The following SRPRA variants were observed in gnomAD, a reference collection of about 807,000 sequenced individuals.
SRPRA encodes signal recognition particle receptor subunit alpha.
In SRPRA, 30 loss-of-function variants were observed where a neutral mutation model predicts 61.1. The ratio of observed to expected loss-of-function variants is 0.49; its 90% CI spans 0.37 to 0.67. SRPRA has a LOEUF of 0.67. Ranked by LOEUF, SRPRA falls within the 30% of genes least tolerant of loss-of-function variation. The pLI, the probability that SRPRA is intolerant of heterozygous loss-of-function variation, is 0.00. For missense variants in SRPRA, 759 were observed against 828.4 expected, an observed-to-expected ratio of 0.92 and a Z score of 1.03; for synonymous variants, 324 against 299.7, an observed-to-expected ratio of 1.08 and a Z score of -0.84.
At chr11:126,260,397 T>G (rs901018382), downstream of SRPRA, 1 of 19,834 alleles carries the variant, frequency 5.0e-5, no homozygotes, top group African/African-American at 5.6e-4. Flanking sequence ...AATATAGTGA[T>G]TTTTTTTTTT....
rs1311458737 is a variant in SRPRA at position 126,264,560 on chromosome 11, A to G, written c.1526-21T>C. 7 of 1,610,816 alleles carry G rather than the reference A, an allele frequency of 4.3e-6. No homozygotes were observed. The highest frequency in any genetic ancestry group is 5.9e-6 in the Non-Finnish European group (7 of 1,179,354). ...ACGTGCTAGAGAAAGAAAGTAGTCAACTCTGAACACCTGGACTACCACTCA... is the reference window on the plus strand; with the variant it reads ...ACGTGCTAGAGAAAGAAAGTAGTCAGCTCTGAACACCTGGACTACCACTCA... On this transcript the variant is annotated intron_variant, in intron 11 of 13. Transcript: ENST00000332118. This position sits in a 1 kb window ranked among gnomAD's most constrained non-coding sequence, Gnocchi z 5.0.
At position 126,264,553 on chromosome 11, in the gene SRPRA, G is replaced by A; in HGVS notation, c.1526-14C>T. 2 of 1,611,770 alleles carry A rather than the reference G, an allele frequency of 1.2e-6. No individual in the cohort carries two copies. The highest frequency in any genetic ancestry group is 1.7e-6 in the Non-Finnish European group (2 of 1,179,784). ...CTTGGTTACGTGCTAGAGAAAGAAA[G>A]TAGTCAACTCTGAACACCTGGACTA... is the stretch of plus-strand genomic sequence containing the variant. On this transcript the variant is annotated splice_polypyrimidine_tract_variant and intron_variant, in intron 11 of 13. Transcript: ENST00000332118. The surrounding 1 kb of genome is among the most constrained non-coding windows in gnomAD (Gnocchi z 5.0).
the SRPRA span, chr11:126,241,149 A>C: frequency 8.3e-7 from 1 of 1,205,256 alleles, no homozygotes; most frequent in Non-Finnish European, 1.2e-6. Context: ...TGTAACAGGG[A>C]TATTCATTTA....
the SRPRA span, among the ~76,000 whole-genome samples, chr11:126,248,790 C>G: frequency 6.6e-6 from 1 of 152,194 alleles, no homozygotes; most frequent in African/African-American, 2.4e-5. Flanking sequence ...GGTCTCGCCT[C>G]CCAACACAGT....
At chr11:126,260,312 T>G (rs1057208535), downstream of SRPRA, 17 of 152,168 alleles carry the variant, frequency 1.1e-4, no homozygotes, top group African/African-American at 3.9e-4. Context: ...GGATTATAGG[T>G]GTGAGCCACA....
chr11:126,268,796 G>C lies in SRPRA; in HGVS notation c.9C>G (p.Asp3Glu). The change falls in exon 1 of 14, where the codon GAC (aspartate) becomes GAG (glutamate). Residue 3 changes from aspartate (D) to glutamate (E), a missense_variant. Around this residue, in one of 2 missense-constraint regions of SRPRA, gnomAD observed 475 missense variants for 462.5 expected, o/e 1.03. Coordinates refer to ENST00000332118, the MANE Select transcript of SRPRA (RefSeq NM_003139.4). ...CGCCCTTGGAGAAAATGGTGAAGAA[G>C]TCGAGCATGGCGGCAGCGGCAGAGG... ML[D>E]FFTIFSKGGL... 1 of 1,613,502 alleles carries C rather than the reference G, an allele frequency of 6.2e-7. No individual in the cohort carries two copies. Among genetic ancestry groups the C allele is most frequent in the Non-Finnish European group, 8.5e-7 (1 of 1,179,926 alleles).
At chr11:126,249,137 C>T in the SRPRA span, among the ~76,000 whole-genome samples, 2 of 152,112 alleles carry the variant, frequency 1.3e-5, no homozygotes, top group African/African-American at 4.8e-5. Context: ...CTTTGGGAGG[C>T]TGAGGTGGGA....
chr11:126,264,235 T>C lies in SRPRA; in HGVS notation c.1744A>G (p.Ile582Val), dbSNP rs759104148. 2.0e-5 allele frequency: 33 copies of C among 1,614,034 alleles called. No individual in the cohort carries two copies. The highest frequency in any genetic ancestry group is 1.9e-4 in the South Asian group (17 of 91,090). ...AATTTGGTAAGAACAATGCCATCAATGAGCCGAGGTGTCTGAGCCATAGAA... is the reference window on the plus strand; with the variant it reads ...AATTTGGTAAGAACAATGCCATCAACGAGCCGAGGTGTCTGAGCCATAGAA... The part of the protein sequence containing the change: ...DHSMAQTPRL[I>V]DGIVLTKFDT... The change falls in exon 13 of 14, where the codon ATT (isoleucine) becomes GTT (valine). Residue 582 changes from isoleucine (I) to valine (V), a missense_variant. Coordinates refer to ENST00000332118, the MANE Select transcript of SRPRA (RefSeq NM_003139.4). The surrounding 1 kb of genome is among the most constrained non-coding windows in gnomAD (Gnocchi z 5.0).
the SRPRA span, chr11:126,245,032 G>A: frequency 1.3e-5 from 2 of 152,156 alleles, no homozygotes; most frequent in Admixed American, 1.3e-4. Context: ...AAATTCATAT[G>A]GGGCCAGGCA....
chr11:126,241,115 G>T, the SRPRA span: 6 of 1,468,768 alleles, frequency 4.1e-6, no homozygotes, highest in Non-Finnish European at 5.5e-6. Context: ...AGCATGATTT[G>T]GCTGTCAAAA....
chr11:126,239,264 A>G, the SRPRA span, among the ~76,000 whole-genome samples: 1 of 152,168 alleles, frequency 6.6e-6, no homozygotes, highest in African/African-American at 2.4e-5. Flanking sequence ...CACTTAGCCA[A>G]ATTGGAAGTC....
In SRPRA at chr11:126,268,714, C is replaced by T. The variant is rs144969041; in HGVS notation, c.91G>A (p.Ala31Thr). 5.5e-5 allele frequency: 88 copies of T among 1,613,836 alleles called. No individual in the cohort carries two copies. The African/African-American group carries it at 1.1e-3, about 20-fold the overall frequency. The change falls in exon 1 of 14, where the codon GCG becomes ACG. Residue 31 changes from alanine (A) to threonine (T), a missense_variant. Ala to Thr is a moderately conservative substitution (Grantham distance 58, BLOSUM62 0). Transcript: ENST00000332118. ...TGCAGCAGCACGGAACGAATCAACGCGTTAACGGGTCCGGTGCATGAGTCG... is the reference window on the plus strand; with the variant it reads ...TGCAGCAGCACGGAACGAATCAACGTGTTAACGGGTCCGGTGCATGAGTCG... ...VSDSCTGPVN[A>T]LIRSVLLQER...
At position 126,267,883 on chromosome 11, in the gene SRPRA, T is replaced by A. The variant is rs984066147; in HGVS notation, c.201+120A>T. On this transcript the variant is annotated intron_variant, in intron 2 of 13. Coordinates refer to ENST00000332118, the MANE Select transcript of SRPRA (RefSeq NM_003139.4). This position sits in a 1 kb window ranked among gnomAD's most constrained non-coding sequence, Gnocchi z 4.2. ...GCCCAGTAGCTGCTGTTTTCCCCCATCTACCTTTCTAGTTTTTTCAGTTAC... is the reference window on the plus strand; with the variant it reads ...GCCCAGTAGCTGCTGTTTTCCCCCAACTACCTTTCTAGTTTTTTCAGTTAC... The A allele has an allele frequency of 3.3e-5, 46 of 1,386,302 alleles. No homozygotes were observed. Among genetic ancestry groups the A allele is most frequent in the Non-Finnish European group, 4.6e-5 (46 of 993,160 alleles). 85.9% of individuals were successfully genotyped at this position (1,386,302 alleles called of 1,614,324 possible).
chr11:126,262,210 C>T (rs1365465609), downstream of SRPRA: 9 of 1,492,130 alleles, frequency 6.0e-6, no homozygotes, highest in East Asian at 2.3e-5. Context: ...AGTAAACTTA[C>T]AAGAACCCAA....
downstream of SRPRA, chr11:126,262,103 T>C (rs753064319): frequency 1.7e-5 from 27 of 1,614,014 alleles, no homozygotes; most frequent in Non-Finnish European, 2.1e-5. Flanking sequence ...TTTGTTCTCT[T>C]TTCTTTCTCC....
chr11:126,256,500 C>G, the SRPRA span: 1 of 1,495,028 alleles, frequency 6.7e-7, no homozygotes, highest in Non-Finnish European at 9.2e-7. This position sits in a 1 kb window ranked among gnomAD's most constrained non-coding sequence, Gnocchi z 6.6. Flanking sequence ...GTAGCATGAC[C>G]TTCTTGTTTC....
Position 126,264,331 on chromosome 11 carries a change from T to C in SRPRA, c.1690-42A>G. Reference sequence around the variant, plus strand: ...ATAGAAGTGTAAGAACCATCTAAATTGACCAAAGCTCAAGTTGTAAAGGGA... The same window carrying C: ...ATAGAAGTGTAAGAACCATCTAAATCGACCAAAGCTCAAGTTGTAAAGGGA... On this transcript the variant is annotated intron_variant, in intron 12 of 13. Transcript: ENST00000332118. This position sits in a 1 kb window ranked among gnomAD's most constrained non-coding sequence, Gnocchi z 5.0. 6.2e-7 allele frequency: 1 copy of C among 1,613,486 alleles called. No individual in the cohort carries two copies. Among genetic ancestry groups the C allele is most frequent in the Non-Finnish European group, 8.5e-7 (1 of 1,179,494 alleles).
rs1349424873 is a variant in SRPRA, at chr11:126,265,185, CG to C, written c.1312-14del. 1.1e-5 allele frequency: 18 copies of C among 1,613,864 alleles called. No individual in the cohort carries two copies. The highest frequency in any genetic ancestry group is 2.2e-5 in the South Asian group (2 of 91,066). On this transcript the variant is annotated splice_polypyrimidine_tract_variant and intron_variant, in intron 10 of 13. Coordinates refer to ENST00000332118, the MANE Select transcript of SRPRA (RefSeq NM_003139.4). The surrounding 1 kb of genome is among the most constrained non-coding windows in gnomAD (Gnocchi z 6.3). Reference sequence around the variant, plus strand: ...ACCAGAAGGAAATCTGTGAAAAAGACGTAAGAAAAGTCACCTAAAGCCAGGA... The same window carrying C: ...ACCAGAAGGAAATCTGTGAAAAAGACTAAGAAAAGTCACCTAAAGCCAGGA...
rs1247801726 is a variant in SRPRA at position 126,267,217 on chromosome 11, C to CAAA, written c.483_484insTTT (p.Lys161_Glu162insPhe). 6.2e-6 allele frequency: 10 copies of CAAA among 1,613,930 alleles called. No homozygotes were observed. The highest frequency in any genetic ancestry group is 8.5e-6 in the Non-Finnish European group (10 of 1,180,032). ...TTTTTTTTGCTATTCTTTGCTTTTT[C>CAAA]CTTGGGCTTTTCCCCCCGTGTCTCA... is the stretch of plus-strand genomic sequence containing the variant. On this transcript the variant is annotated inframe_insertion, in exon 4 of 14. Transcript: ENST00000332118. This position sits in a 1 kb window ranked among gnomAD's most constrained non-coding sequence, Gnocchi z 4.2.
Sources: allele counts gnomAD v4.1 joint callset (sites outside exome capture counted in the v4.1 genomes callset), GRCh38; gene constraint gnomAD v4.1.1; regional missense constraint gnomAD v4.1.1; non-coding constraint Gnocchi (gnomAD v3.1); transcripts MANE v1.5; gene names NCBI Gene and HGNC (gene_info 2026-07-23, HGNC 2026-07-21).